The following SORCS2 variants were observed in gnomAD, a reference collection of about 807,000 sequenced individuals.
SORCS2 encodes sortilin related VPS10 domain containing receptor 2.
SORCS2 carries 100 observed loss-of-function variants against 141.6 expected under a neutral mutation model. That is an observed-to-expected ratio of 0.71 (90% CI 0.60 to 0.83). The LOEUF (loss-of-function observed/expected upper bound fraction) is 0.83. Ranked by LOEUF, SORCS2 falls within the 40% of genes least tolerant of loss-of-function variation. The pLI, the probability that SORCS2 is intolerant of heterozygous loss-of-function variation, is 0.00. For missense variants in SORCS2, 1,646 were observed against 1,560.2 expected (o/e 1.05, Z -0.93); for synonymous variants, 789 against 676.9 (o/e 1.17, Z -2.57).
chr4:7,570,486 C>T (rs956288864), intron 3 of SORCS2, among the ~76,000 whole-genome samples: 4 of 152,258 alleles, frequency 2.6e-5, no homozygotes, highest in Admixed American at 6.5e-5. Context: ...CTAACAGGAC[C>T]TTGGTGTGTG....
intron 1 of SORCS2, among the ~76,000 whole-genome samples, chr4:7,374,848 T>A (rs1487622470): frequency 6.6e-6 from 1 of 152,128 alleles, no homozygotes; most frequent in African/African-American, 2.4e-5. Flanking sequence ...GGAGGCTTTT[T>A]TGCTGCAGGT....
chr4:7,720,230 G>A (rs1726499135), intron 18 of SORCS2, among the ~76,000 whole-genome samples: 1 of 152,136 alleles, frequency 6.6e-6, no homozygotes, highest in East Asian at 1.9e-4. Context: ...GTCTGATAGA[G>A]GCCCCAGGAA....
intron 2 of SORCS2, among the ~76,000 whole-genome samples, chr4:7,401,997 A>G (rs1199091365): frequency 6.6e-6 from 1 of 152,192 alleles, no homozygotes; most frequent in African/African-American, 2.4e-5. Context: ...AATGTTCACT[A>G]AATAATCCAT....
intron 1 of SORCS2, among the ~76,000 whole-genome samples, chr4:7,228,409 T>C (rs369081991): frequency 2.6e-5 from 4 of 152,310 alleles, no homozygotes; most frequent in South Asian, 4.1e-4. Context: ...TGTCCGGTGC[T>C]GTGGGGAGGC....
intron 1 of SORCS2, among the ~76,000 whole-genome samples, chr4:7,276,826 C>A (rs1039662082): frequency 6.6e-6 from 1 of 152,168 alleles, no homozygotes; most frequent in Non-Finnish European, 1.5e-5. Flanking sequence ...CCATTCATCA[C>A]GCGGCAGACC....
chr4:7,671,192 G>A (rs1430722156), intron 8 of SORCS2, among the ~76,000 whole-genome samples: 2 of 152,072 alleles, frequency 1.3e-5, no homozygotes, highest in Non-Finnish European at 2.9e-5. Flanking sequence ...ACAAAACATG[G>A]CAAGCTCTAT....
chr4:7,487,660 G>T (rs532194801), intron 2 of SORCS2, among the ~76,000 whole-genome samples: 1 of 152,200 alleles, frequency 6.6e-6, no homozygotes, highest in Non-Finnish European at 1.5e-5. Flanking sequence ...CTAGACTCAC[G>T]TAGCGGTGAT....
chr4:7,403,259 G>A (rs2109131786), intron 2 of SORCS2, among the ~76,000 whole-genome samples: 1 of 152,312 alleles, frequency 6.6e-6, no homozygotes, highest in Admixed American at 6.5e-5. Context: ...GCTGTTGGCT[G>A]ATGGGCTTGG....
At chr4:7,418,703 C>CCA (rs1553859441) in intron 2 of SORCS2, among the ~76,000 whole-genome samples, 462 of 36,890 alleles carry the variant, frequency 0.013, 7 homozygotes, top group African/African-American at 0.045. Context: ...TAACAAATGA[C>CCA]CCCCCCCCCC....
chr4:7,281,973 G>A (rs964904159), intron 1 of SORCS2, among the ~76,000 whole-genome samples: 3 of 152,174 alleles, frequency 2.0e-5, no homozygotes, highest in Non-Finnish European at 2.9e-5. Context: ...GAAACTCCAC[G>A]CACCCACTCC....
intron 3 of SORCS2, among the ~76,000 whole-genome samples, chr4:7,577,725 C>T (rs1010706407): frequency 2.1e-5 from 3 of 142,182 alleles, no homozygotes; most frequent in South Asian, 2.2e-4. Context: ...AGCATACAGG[C>T]GAAGTCAGCT....
At chr4:7,387,675 CAT>C (rs1419826423) in intron 1 of SORCS2, among the ~76,000 whole-genome samples, 2 of 145,336 alleles carry the variant, frequency 1.4e-5, no homozygotes, top group African/African-American at 2.6e-5. Flanking sequence ...CATGCACACA[CAT>C]ACAGGTACAC....
chr4:7,333,506 C>T (rs1303409308), intron 1 of SORCS2, among the ~76,000 whole-genome samples: 1 of 152,182 alleles, frequency 6.6e-6, no homozygotes, highest in Non-Finnish European at 1.5e-5. Flanking sequence ...GAGGGGCTCA[C>T]TCGGGGGACT....
chr4:7,456,292 G>A (rs963733603), intron 2 of SORCS2, among the ~76,000 whole-genome samples: 8 of 152,154 alleles, frequency 5.3e-5, no homozygotes, highest in Non-Finnish European at 7.3e-5. Context: ...GAGCTCACTG[G>A]TGTTTGTGAT....
intron 1 of SORCS2, among the ~76,000 whole-genome samples, chr4:7,319,845 C>T (rs561866869): frequency 1.6e-4 from 24 of 152,378 alleles, no homozygotes; most frequent in Middle Eastern, 3.4e-3. Context: ...CAAGTGGCTG[C>T]CCACCTTGGC....
At chr4:7,429,794 C>A (rs1319468070) in intron 2 of SORCS2, among the ~76,000 whole-genome samples, 1 of 152,200 alleles carries the variant, frequency 6.6e-6, no homozygotes, top group Non-Finnish European at 1.5e-5. Flanking sequence ...ACGCCCTGAG[C>A]CTGCTGCTCC....
chr4:7,248,088 A>G (rs28695175), intron 1 of SORCS2, among the ~76,000 whole-genome samples: 15,083 of 152,234 alleles, frequency 0.099, 1,042 homozygotes, highest in African/African-American at 0.2. Context: ...CATGGGTTTC[A>G]TGAAAGGTCT....
At chr4:7,368,444 C>A (rs1722040557) in intron 1 of SORCS2, among the ~76,000 whole-genome samples, 1 of 152,232 alleles carries the variant, frequency 6.6e-6, no homozygotes, top group South Asian at 2.1e-4. Flanking sequence ...GGACCTGCTG[C>A]CTGCCGGGAG....
At chr4:7,194,595 C>T (rs1727056850) in intron 1 of SORCS2, among the ~76,000 whole-genome samples, 1 of 152,126 alleles carries the variant, frequency 6.6e-6, no homozygotes, top group Non-Finnish European at 1.5e-5. Context: ...TCCCTGGGTG[C>T]AGTGGGCCAG....
Sources: gnomAD v4.1 joint callset for allele counts (sites outside exome capture counted in the v4.1 genomes callset) on GRCh38, gnomAD v4.1.1 for gene constraint, MANE v1.5 for transcripts, NCBI Gene and HGNC (gene_info 2026-07-23, HGNC 2026-07-21) for gene names.